The following PDS5A variants were observed in gnomAD, a reference collection of about 807,000 sequenced individuals.
PDS5A encodes the protein sister chromatid cohesion protein PDS5 homolog A.
In PDS5A, 42 loss-of-function variants were observed where a neutral mutation model predicts 167.1. That is an observed-to-expected ratio of 0.25 (90% CI 0.20 to 0.33). The LOEUF is 0.33. PDS5A is among the 10% of genes least tolerant of loss of function. The pLI is 1.00. For missense variants in PDS5A, 1,033 were observed against 1,605.9 expected, an observed-to-expected ratio of 0.64 and a Z score of 6.10; for synonymous variants, 553 against 554.6, an observed-to-expected ratio of 1.00 and a Z score of 0.04.
At position 39,910,177 on chromosome 4, in the gene PDS5A, TCA is replaced by T. The variant is rs1212722128; in HGVS notation, c.1087+65_1087+66del. 10 of 791,604 alleles carry T rather than the reference TCA, an allele frequency of 1.3e-5. No individual in the cohort carries two copies. In the African/African-American group the frequency reaches 1.4e-4, roughly 11 times the overall value. The allele number at this position is 791,604 out of a possible 1,614,324, so 49.0% of individuals were successfully genotyped here. On this transcript the variant is annotated intron_variant, in intron 10 of 32. Coordinates refer to ENST00000303538, the MANE Select transcript of PDS5A (RefSeq NM_001100399.2). ...AACCTACTTGGAAAGTGAAGTTAGGTCACAAGTCATATCTACAATATAGTTGT... is the reference window on the plus strand; with the variant it reads ...AACCTACTTGGAAAGTGAAGTTAGGTCAAGTCATATCTACAATATAGTTGT...
intron 14 of PDS5A, among the ~76,000 whole-genome samples, chr4:39,899,982 A>C (rs1019647216): frequency 1.1e-4 from 16 of 152,002 alleles, no homozygotes; most frequent in African/African-American, 3.9e-4. Context: ...TAAAAATGTA[A>C]AGTTTTTTTC....
intron 26 of PDS5A, among the ~76,000 whole-genome samples, 176 bp from the exon 27 acceptor site, chr4:39,849,828 T>C (rs996728352): frequency 3.9e-5 from 6 of 152,234 alleles, no homozygotes; most frequent in African/African-American, 1.4e-4. Context: ...AATTAAAGCA[T>C]AAAATAACAT....
chr4:39,969,790 A>G (rs888228329), intron 2 of PDS5A, among the ~76,000 whole-genome samples: 1 of 152,024 alleles, frequency 6.6e-6, no homozygotes, highest in African/African-American at 2.4e-5. Flanking sequence ...CTTAACAAGT[A>G]TTTGTTCAGC....
At position 39,862,754 on chromosome 4, in the gene PDS5A, A is replaced by G; in HGVS notation, c.2971+115T>C. ...CATAACTACAATGACAGCATTCTAT[A>G]AAACTCCCAGTTTTATTATAAACTA... On this transcript the variant is annotated intron_variant, in intron 25 of 32. Coordinates refer to ENST00000303538, the MANE Select transcript of PDS5A (RefSeq NM_001100399.2). 6.0e-6 allele frequency: 4 copies of G among 662,886 alleles called. No homozygotes were observed. In the South Asian group the frequency reaches 7.8e-5, roughly 13 times the overall value. The allele number at this position is 662,886 out of a possible 1,614,324, so 41.1% of individuals were successfully genotyped here.
At chr4:39,867,733 A>AACAC (rs142147688) in intron 22 of PDS5A, among the ~76,000 whole-genome samples, 8,601 of 130,506 alleles carry the variant, frequency 0.066, 367 homozygotes, top group African/African-American at 0.14. Flanking sequence ...AAAAAACCAA[A>AACAC]ACACACACAC....
chr4:39,834,540 CT>C (rs776789722), intron 32 of PDS5A, among the ~76,000 whole-genome samples: 2 of 152,156 alleles, frequency 1.3e-5, no homozygotes, highest in Non-Finnish European at 2.9e-5. Flanking sequence ...CTTCTGACTT[CT>C]TTTTGCTTCT....
chr4:39,905,489 C>T (rs774760287), intron 11 of PDS5A, among the ~76,000 whole-genome samples: 23 of 152,072 alleles, frequency 1.5e-4, no homozygotes, highest in African/African-American at 5.3e-4. Context: ...GCCTGAGAGG[C>T]GGAGGTTGCG....
intron 2 of PDS5A, among the ~76,000 whole-genome samples, chr4:39,971,754 CCGGG>C (rs1730564974): frequency 6.6e-6 from 1 of 152,182 alleles, no homozygotes; most frequent in South Asian, 2.1e-4. Flanking sequence ...GCCCCTGCGT[CCGGG>C]CTTAAGCTCT....
chr4:39,900,840 T>C (rs922547608), intron 13 of PDS5A, among the ~76,000 whole-genome samples: 11 of 151,370 alleles, frequency 7.3e-5, no homozygotes, highest in Non-Finnish European at 1.6e-4. Context: ...CTGAAAAACA[T>C]GTATACGCTT....
chr4:39,975,827 C>A (rs978347812), intron 2 of PDS5A, among the ~76,000 whole-genome samples: 10 of 152,134 alleles, frequency 6.6e-5, no homozygotes, highest in Non-Finnish European at 1.0e-4. Flanking sequence ...AAAAAACTAA[C>A]AAACATGAGG....
chr4:39,933,731 A>G (rs1197873193), intron 2 of PDS5A, among the ~76,000 whole-genome samples: 1 of 152,250 alleles, frequency 6.6e-6, no homozygotes, highest in Admixed American at 6.5e-5. Context: ...AACAGAAATG[A>G]AATTCCATTC....
intron 2 of PDS5A, among the ~76,000 whole-genome samples, chr4:39,935,033 A>G (rs1014211390): frequency 2.6e-5 from 4 of 152,140 alleles, no homozygotes; most frequent in African/African-American, 9.7e-5. Flanking sequence ...TAACTTTATC[A>G]ATTATTTTCT....
At chr4:39,902,494 G>C in intron 12 of PDS5A, 34 bp from the exon 13 acceptor site, 2 of 1,015,686 alleles carry the variant, frequency 2.0e-6, no homozygotes, top group Non-Finnish European at 1.5e-6. Flanking sequence ...AAACCTAAGT[G>C]ACACAATTAT....
chr4:39,971,978 C>T (rs1271704109), intron 2 of PDS5A, among the ~76,000 whole-genome samples: 2 of 151,990 alleles, frequency 1.3e-5, no homozygotes, highest in Non-Finnish European at 2.9e-5. Context: ...GAAAGGAAGG[C>T]AGAAGAAATA....
chr4:39,847,642 C>T (rs1717739692), intron 28 of PDS5A: 1 of 151,958 alleles, frequency 6.6e-6, no homozygotes, highest in Admixed American at 6.6e-5. Flanking sequence ...AATTAGAGAG[C>T]ATACTTTTGC....
At chr4:39,852,469 ACT>A (rs1405822990) in intron 26 of PDS5A, among the ~76,000 whole-genome samples, 1 of 151,528 alleles carries the variant, frequency 6.6e-6, no homozygotes, top group East Asian at 1.9e-4. Context: ...TTTTCACTGA[ACT>A]CTCTAGAATA....
Position 39,963,480 on chromosome 4 carries a change from C to A in PDS5A, c.138+12960G>T, listed in dbSNP as rs549889720. Among the ~76,000 whole-genome samples the A allele has an allele frequency of 2.6e-5, 4 of 151,918 alleles. No individual in the cohort carries two copies. In the South Asian group the frequency reaches 8.3e-4, roughly 32 times the overall value. ...ATCTCAAAAAAAAAAATTAGCTGCA[C>A]ACAGTGGCCTGTAATCCTAGCCACT... On this transcript the variant is annotated intron_variant, in intron 2 of 32. Coordinates refer to ENST00000303538, the MANE Select transcript of PDS5A (RefSeq NM_001100399.2).
chr4:39,876,105 G>T lies in PDS5A; in HGVS notation c.2153+888C>A, dbSNP rs919590762. Among the ~76,000 whole-genome samples the T allele has an allele frequency of 2.0e-5, 3 of 152,000 alleles. No individual in the cohort carries two copies. In the South Asian group the frequency reaches 6.2e-4, roughly 32 times the overall value. ...ATGCTCATTTTCAACTGTGTCCTTTGGGGTAGAATTCCTCTAAGAATAGTT... is the reference window on the plus strand; with the variant it reads ...ATGCTCATTTTCAACTGTGTCCTTTTGGGTAGAATTCCTCTAAGAATAGTT... On this transcript the variant is annotated intron_variant, in intron 19 of 32. Transcript: ENST00000303538.
intron 2 of PDS5A, among the ~76,000 whole-genome samples, chr4:39,929,555 A>ATATATATATG (rs1725804573): frequency 7.9e-6 from 1 of 126,852 alleles, no homozygotes; most frequent in South Asian, 2.6e-4. Context: ...ATATATATAT[A>ATATATATATG]TCCCATTAAT....
Sources: gnomAD v4.1 joint callset for allele counts (sites outside exome capture counted in the v4.1 genomes callset) on GRCh38, gnomAD v4.1.1 for gene constraint, MANE v1.5 for transcripts, NCBI Gene and HGNC (gene_info 2026-07-23, HGNC 2026-07-21) for gene names.